CHD6: variants seen among roughly 807,000 people sequenced by gnomAD.
The protein encoded by CHD6 is ATP-dependent chromatin remodeler CHD6.
Under a neutral mutation model 276.9 loss-of-function variants are expected in CHD6, and 50 were observed. The observed-to-expected ratio is 0.18, with a 90% CI of 0.14 to 0.23. CHD6 has a LOEUF of 0.23. CHD6 is among the 10% of genes least tolerant of loss of function. The pLI, the probability that CHD6 is intolerant of heterozygous loss-of-function variation, is 1.00. For missense variants in CHD6, 2,564 were observed against 3,365.8 expected (o/e 0.76, Z 5.89); for synonymous variants, 1,173 against 1,229.3 (o/e 0.95, Z 0.96).
At chr20:41,555,003 C>CA (rs2045202337) in intron 1 of CHD6, among the ~76,000 whole-genome samples, 1 of 141,394 alleles carries the variant, frequency 7.1e-6, no homozygotes, top group South Asian at 2.3e-4. Flanking sequence ...GCTGGCCGGG[C>CA]GGGGGGCTGA....
intron 2 of CHD6, among the ~76,000 whole-genome samples, chr20:41,545,098 C>A (rs1212995964): frequency 6.6e-6 from 1 of 152,154 alleles, no homozygotes; most frequent in Non-Finnish European, 1.5e-5. Flanking sequence ...GGATGTCCTT[C>A]TTTATATGAA....
intron 3 of CHD6, among the ~76,000 whole-genome samples, chr20:41,520,387 A>G (rs1319732801): frequency 2.0e-5 from 3 of 152,264 alleles, no homozygotes; most frequent in Admixed American, 2.0e-4. Context: ...TTACTGCGGC[A>G]CTATTCACAA....
In CHD6 at chr20:41,403,484, T is replaced by C; in HGVS notation, c.*1109A>G. On this transcript the variant is annotated 3_prime_UTR_variant, in exon 37 of 37. Coordinates refer to ENST00000373233, the MANE Select transcript of CHD6 (RefSeq NM_032221.5). ...TTCGATTAACTGATAATTTGGAATT[T>C]GGGTCCAACTGTAAGATATAAACAG... 1 of 1,062,300 alleles carries C rather than the reference T, an allele frequency of 9.4e-7. No homozygotes were observed. Among genetic ancestry groups the C allele is most frequent in the Non-Finnish European group, 1.1e-6 (1 of 877,472 alleles). 65.8% of individuals were successfully genotyped at this position (1,062,300 alleles called of 1,614,324 possible). A position where few individuals can be genotyped will look rare whatever the true frequency, so the allele number is the denominator to read the frequency against.
chr20:41,574,400 A>C lies in CHD6; in HGVS notation c.-23-23040T>G, dbSNP rs1181475265. ...TCTGGGATAAATATACCAGGTTCCT[A>C]GCTCCTCTACTTGGGTATTATTTAG... On this transcript the variant is annotated intron_variant, in intron 1 of 36. Coordinates refer to ENST00000373233, the MANE Select transcript of CHD6 (RefSeq NM_032221.5). Among the ~76,000 whole-genome samples the C allele has an allele frequency of 2.0e-5, 3 of 152,218 alleles. No individual in the cohort carries two copies. The East Asian group carries it at 5.8e-4, about 29-fold the overall frequency.
intron 1 of CHD6, among the ~76,000 whole-genome samples, chr20:41,555,265 C>A (rs1285558970): frequency 7.9e-6 from 1 of 127,146 alleles, no homozygotes; most frequent in African/African-American, 3.1e-5. Context: ...CTGGACGGGG[C>A]GGCTGGCCGG....
At chr20:41,553,308 T>C (rs1302336109) in intron 1 of CHD6, among the ~76,000 whole-genome samples, 1 of 152,248 alleles carries the variant, frequency 6.6e-6, no homozygotes, top group African/African-American at 2.4e-5. Context: ...TCATAAGTGT[T>C]AGAAGTAGTA....
At chr20:41,547,503 C>A (rs905498356) in intron 2 of CHD6, 1 of 401,920 alleles carries the variant, frequency 2.5e-6, no homozygotes, top group Middle Eastern at 8.7e-4. Flanking sequence ...CATGTCTGCA[C>A]TGGCTCCCAG....
chr20:41,420,289 C>T (rs1225469769), intron 31 of CHD6, among the ~76,000 whole-genome samples: 2 of 152,148 alleles, frequency 1.3e-5, no homozygotes, highest in African/African-American at 4.8e-5. Context: ...GTGAGGCAGC[C>T]AAACTGCTAT....
chr20:41,565,086 G>T (rs1601147444), intron 1 of CHD6, among the ~76,000 whole-genome samples: 2 of 151,708 alleles, frequency 1.3e-5, no homozygotes, highest in East Asian at 1.9e-4. Flanking sequence ...CCAAGAAAAT[G>T]AAGATAATGG....
rs754654761 is a variant in CHD6, at chr20:41,415,623, G to A, written c.6502C>T (p.Pro2168Ser). The change falls in exon 34 of 37, where the codon CCA becomes TCA. Residue 2168 changes from proline to serine, a missense_variant. This residue lies in a region of CHD6 where 1,024 missense variants were observed against 1,047.9 expected (regional missense o/e 0.98). Coordinates refer to ENST00000373233, the MANE Select transcript of CHD6 (RefSeq NM_032221.5). The stretch of plus-strand genomic sequence containing the variant: ...TTTTGTTCATCCTTTGTGAATACTG[G>A]AGCTAAGAAGCTCTCCTGTGAACAC... ...AQIHKESFLAPVFTKDEQKHR... is the reference protein window; with the variant it reads ...AQIHKESFLASVFTKDEQKHR... 3 of 1,594,054 alleles carry A rather than the reference G, an allele frequency of 1.9e-6. No homozygotes were observed. The highest frequency in any genetic ancestry group is 4.5e-5 in the East Asian group (2 of 44,776).
intron 1 of CHD6, among the ~76,000 whole-genome samples, chr20:41,556,905 A>G (rs767771836): frequency 1.4e-4 from 21 of 152,174 alleles, no homozygotes; most frequent in Non-Finnish European, 2.5e-4. Context: ...ATCTTTTTGT[A>G]AGGCTAAATT....
chr20:41,528,080 T>C (rs922631172), intron 3 of CHD6, among the ~76,000 whole-genome samples: 7 of 152,232 alleles, frequency 4.6e-5, no homozygotes, highest in Non-Finnish European at 8.8e-5. Flanking sequence ...TATTCTGTTA[T>C]AGCAACATAA....
In CHD6 at chr20:41,592,824, C is replaced by T. The variant is rs1378831487; in HGVS notation, c.-24+25516G>A. ...GTTTTACATTAGGCTGGGTCTAACA[C>T]CAGAGGGTGTGAGCTAACATACCTT... On this transcript the variant is annotated intron_variant, in intron 1 of 36. Coordinates refer to ENST00000373233, the MANE Select transcript of CHD6 (RefSeq NM_032221.5). Among the ~76,000 whole-genome samples, 3 of 152,112 alleles carry T rather than the reference C, an allele frequency of 2.0e-5. No homozygotes were observed. The East Asian group carries it at 5.8e-4, about 29-fold the overall frequency.
Position 41,421,928 on chromosome 20 carries a change from G to C in CHD6, c.4707C>G (p.Leu1569=). Residue 1569 remains leucine (L), a synonymous_variant, in exon 31 of 37, where the codon CTC becomes CTG. Coordinates refer to ENST00000373233, the MANE Select transcript of CHD6 (RefSeq NM_032221.5). ...HERLQLCRPS[L]YLPVWWECGK... is the part of the protein sequence containing the mutation. ...CACACTCCCACCAGACTGGGAGGTA[G>C]AGGCTGGGCCTGCACAGCTGGAGGC... 6.2e-7 allele frequency: 1 copy of C among 1,614,242 alleles called. No homozygotes were observed. Among genetic ancestry groups the C allele is most frequent in the Non-Finnish European group, 8.5e-7 (1 of 1,180,038 alleles).
At chr20:41,509,684 G>T (rs1039465677) in intron 5 of CHD6, among the ~76,000 whole-genome samples, 3 of 152,102 alleles carry the variant, frequency 2.0e-5, no homozygotes, top group South Asian at 2.1e-4. Flanking sequence ...CAAACTGCAG[G>T]AGGCAAAAAC....
At chr20:41,456,886 G>A (rs776725692) in intron 18 of CHD6, among the ~76,000 whole-genome samples, 4 of 152,144 alleles carry the variant, frequency 2.6e-5, no homozygotes, top group South Asian at 4.2e-4. Context: ...GTTAGGGGCC[G>A]AGGGGACATA....
intron 17 of CHD6, among the ~76,000 whole-genome samples, chr20:41,460,510 C>T (rs538380797): frequency 6.6e-6 from 1 of 152,184 alleles, no homozygotes; most frequent in Non-Finnish European, 1.5e-5. Flanking sequence ...GACTTGTTGC[C>T]CTGTCCCAAC....
chr20:41,472,721 C>T (rs2294568), intron 17 of CHD6, among the ~76,000 whole-genome samples: 69,431 of 152,074 alleles, frequency 0.46, 18,965 homozygotes, highest in African/African-American at 0.76. Flanking sequence ...TGTTAGCTTT[C>T]AAAAAATATA....
chr20:41,538,366 A>T (rs1215397145), intron 2 of CHD6, among the ~76,000 whole-genome samples: 1 of 152,156 alleles, frequency 6.6e-6, no homozygotes, highest in African/African-American at 2.4e-5. Flanking sequence ...AATAAAAAAT[A>T]AAAAAATAAA....
Sources: gnomAD v4.1 joint callset for allele counts (sites outside exome capture counted in the v4.1 genomes callset) on GRCh38, gnomAD v4.1.1 for gene constraint, gnomAD v4.1.1 regional missense constraint, MANE v1.5 for transcripts, NCBI Gene and HGNC (gene_info 2026-07-23, HGNC 2026-07-21) for gene names.